Variants in KYAT1 observed in about 807,000 individuals in gnomAD.
KYAT1 encodes kynurenine aminotransferase 1.
A neutral mutation model predicts 52.4 loss-of-function variants in KYAT1; 47 were observed. The ratio of observed to expected loss-of-function variants is 0.90; its 90% CI spans 0.71 to 1.14. KYAT1 has a LOEUF of 1.14. Among genes scored for constraint, KYAT1 ranks in the 50% most tolerant of loss-of-function variants. The pLI, the probability that KYAT1 is intolerant of heterozygous loss-of-function variation, is 0.00. For synonymous variants in KYAT1, 212 were observed against 209.6 expected (o/e 1.01, Z -0.10); for missense variants, 480 against 557.9 (o/e 0.86, Z 1.41).
At chr9:128,847,555 G>A (rs1425943299) in intron 1 of KYAT1, 1 of 1,497,446 alleles carries the variant, frequency 6.7e-7, no homozygotes, top group South Asian at 1.2e-5. Flanking sequence ...GGGCACTGCA[G>A]ACTTTTCCAG....
At chr9:128,842,606 C>T (rs775440188) in intron 3 of KYAT1, 48 bp downstream of exon 3, 2 of 1,590,448 alleles carry the variant, frequency 1.3e-6, no homozygotes, top group Non-Finnish European at 1.7e-6. Flanking sequence ...CCAGAAAGCC[C>T]TGTCCCCTTC....
chr9:128,850,701 A>G (rs1193192946), intron 1 of KYAT1, among the ~76,000 whole-genome samples: 3 of 152,226 alleles, frequency 2.0e-5, no homozygotes, highest in Admixed American at 2.0e-4. Flanking sequence ...GTAAAAGAGG[A>G]AAGCCTCATG....
intron 1 of KYAT1, among the ~76,000 whole-genome samples, chr9:128,852,195 C>G (rs923869448): frequency 2.0e-5 from 3 of 152,168 alleles, no homozygotes; most frequent in Admixed American, 2.0e-4. Context: ...AAAAATCAGG[C>G]AGATGGCGCA....
chr9:128,838,268 A>C lies in KYAT1; in HGVS notation c.301T>G (p.Tyr101Asp). Residue 101 changes from tyrosine to aspartate, a missense_variant, in exon 4 of 13, where the codon TAT (tyrosine) becomes GAT (aspartate). Coordinates refer to ENST00000302586, the MANE Select transcript of KYAT1 (RefSeq NM_004059.5). Reference sequence around the variant, plus strand: ...TGGAAGGCTGTGAACAGGGCCCCATAGCCACCAACAGTCACCAGCACATTC... The same window carrying C: ...TGGAAGGCTGTGAACAGGGCCCCATCGCCACCAACAGTCACCAGCACATTC... ...LRNVLVTVGG[Y>D]GALFTAFQAL... 1 of 1,614,190 alleles carries C rather than the reference A, an allele frequency of 6.2e-7. No individual in the cohort carries two copies. Among genetic ancestry groups the C allele is most frequent in the Non-Finnish European group, 8.5e-7 (1 of 1,180,036 alleles).
At position 128,835,622 on chromosome 9, in the gene KYAT1, G is replaced by A. The variant is rs752518739; in HGVS notation, c.901C>T (p.Gln301Ter). ...AACTGCACAAAGTAGCTGCTGGGTT[G>A]GCGGAAGAGCAGCTGCTCCCGTTCA... ...SFEREQLLFR[Q>*]PSSYFVQFPQ... The change falls in exon 10 of 13, where the codon CAA (glutamine) becomes TAA (stop). Residue 301 changes from glutamine to a stop codon, truncating the protein, a stop_gained. Transcript: ENST00000302586. LOFTEE classifies it high-confidence loss of function. 2 of 1,612,120 alleles carry A rather than the reference G, an allele frequency of 1.2e-6. No individual in the cohort carries two copies. Among genetic ancestry groups the A allele is most frequent in the South Asian group, 1.1e-5 (1 of 91,082 alleles).
chr9:128,836,961 A>G, intron 6 of KYAT1, 39 bp from the exon 7 acceptor site: 3 of 1,597,574 alleles, frequency 1.9e-6, no homozygotes, highest in South Asian at 1.1e-5. Context: ...TGCAGCTGGG[A>G]CCGTCCCCAA....
At chr9:128,869,777 A>T (rs557742728) in intron 1 of KYAT1, among the ~76,000 whole-genome samples, 1 of 149,682 alleles carries the variant, frequency 6.7e-6, no homozygotes, top group East Asian at 2.0e-4. Context: ...TTTTTGAGAC[A>T]GAGTCTCACT....
At chr9:128,837,119 C>T (rs1486803259) in intron 6 of KYAT1, among the ~76,000 whole-genome samples, 197 bp from the exon 7 acceptor site, 2 of 152,150 alleles carry the variant, frequency 1.3e-5, no homozygotes, top group African/African-American at 4.8e-5. Flanking sequence ...CATGGAGAAA[C>T]CCCGTCTCTA....
At chr9:128,865,359 A>ATATATATTTTTTTTTTTT (rs1836206985) in intron 1 of KYAT1, among the ~76,000 whole-genome samples, 1 of 27,310 alleles carries the variant, frequency 3.7e-5, no homozygotes, top group Non-Finnish European at 5.3e-5. Context: ...ATATATATAT[A>ATATATATTTTTTTTTTTT]TTTTTTTTTT....
chr9:128,836,968 CCAAA>C, intron 6 of KYAT1, 46 bp from the exon 7 acceptor site: 2 of 1,593,688 alleles, frequency 1.3e-6, no homozygotes, highest in Middle Eastern at 3.3e-4. Flanking sequence ...GGGACCGTCC[CCAAA>C]CACAGAGGCC....
chr9:128,843,695 T>G (rs765378564), intron 2 of KYAT1, among the ~76,000 whole-genome samples: 2 of 152,210 alleles, frequency 1.3e-5, no homozygotes, highest in Non-Finnish European at 2.9e-5. Flanking sequence ...AAATCACCTT[T>G]GCATCATCAA....
At chr9:128,834,831 CAAAAAAA>C (rs35785668) in intron 11 of KYAT1, among the ~76,000 whole-genome samples, 1 of 25,862 alleles carries the variant, frequency 3.9e-5, no homozygotes, top group African/African-American at 1.6e-4. Context: ...GACTCTGTCT[CAAAAAAA>C]AAAAAAAAAA....
intron 1 of KYAT1, among the ~76,000 whole-genome samples, chr9:128,848,589 G>A (rs1027028789): frequency 2.0e-5 from 3 of 151,772 alleles, no homozygotes; most frequent in East Asian, 1.9e-4. Flanking sequence ...AGGCTGAGGC[G>A]AGTGGATCAC....
chr9:128,873,925 G>C (rs1837593086), intron 1 of KYAT1, among the ~76,000 whole-genome samples: 1 of 134,496 alleles, frequency 7.4e-6, no homozygotes, highest in Admixed American at 7.8e-5. Flanking sequence ...CAGCCCGGGT[G>C]ACAGAGCAAA....
rs1830509248 is a variant in KYAT1 at position 128,833,734 on chromosome 9, C to T, written c.1209+6G>A. 1 of 1,614,072 alleles carries T rather than the reference C, an allele frequency of 6.2e-7. No homozygotes were observed. Among genetic ancestry groups the T allele is most frequent in the African/African-American group, 1.3e-5 (1 of 74,946 alleles). On this transcript the variant is annotated splice_donor_region_variant and intron_variant, in intron 12 of 12. Coordinates refer to ENST00000302586, the MANE Select transcript of KYAT1 (RefSeq NM_004059.5). ...AGGTCTTTCCTCCCCCAGCCCTGCC[C>T]TTTACCTTCACAAAACAGAAGCGGA...
intron 1 of KYAT1, among the ~76,000 whole-genome samples, chr9:128,849,283 T>C (rs1833571698): frequency 6.7e-6 from 1 of 150,214 alleles, no homozygotes; most frequent in Non-Finnish European, 1.5e-5. Flanking sequence ...TGGTGGCACA[T>C]GCCTGTAGTC....
In KYAT1 at chr9:128,870,146, C is replaced by A. The variant is rs547255823; in HGVS notation, c.-7+11751G>T. ...ACTCCTAGGTATATACCCAAAAGAA[C>A]TGAAAACATATGTCCACACAGAAAC... On this transcript the variant is annotated intron_variant, in intron 1 of 12. Transcript: ENST00000302586. 3.9e-5 allele frequency among the ~76,000 whole-genome samples: 6 copies of A among 152,196 alleles called. No individual in the cohort carries two copies. In the South Asian group the frequency reaches 1.0e-3, roughly 26 times the overall value.
intron 1 of KYAT1, among the ~76,000 whole-genome samples, chr9:128,856,596 C>T (rs529184294): frequency 5.9e-5 from 9 of 152,292 alleles, no homozygotes; most frequent in East Asian, 3.9e-4. Context: ...CACTTTGCCC[C>T]AACTTTGAGC....
At chr9:128,851,633 TA>T (rs1042259218) in intron 1 of KYAT1, among the ~76,000 whole-genome samples, 18 of 152,224 alleles carry the variant, frequency 1.2e-4, no homozygotes, top group Non-Finnish European at 2.6e-4. Context: ...GGGCCATTAT[TA>T]AAGCAACTTT....
Sources: allele counts gnomAD v4.1 joint callset (sites outside exome capture counted in the v4.1 genomes callset), GRCh38; gene constraint gnomAD v4.1.1; transcripts MANE v1.5; gene names NCBI Gene and HGNC (gene_info 2026-07-23, HGNC 2026-07-21).